The following SLC35A3 variants were observed in gnomAD, a reference collection of about 807,000 sequenced individuals.
The protein encoded by SLC35A3 is solute carrier family 35 member A3, also known as UDP-N-acetylglucosamine transporter.
In SLC35A3, 26 loss-of-function variants were observed where a neutral mutation model predicts 39.0. That is an observed-to-expected ratio of 0.67 (90% confidence interval 0.49 to 0.92). SLC35A3 has a LOEUF of 0.92. Ranked by LOEUF, SLC35A3 falls within the 40% of genes least tolerant of loss-of-function variation. The pLI is 0.00. For missense variants in SLC35A3, 299 were observed against 371.6 expected (o/e 0.80, Z 1.61); for synonymous variants, 135 against 133.1 (o/e 1.01, Z -0.10).
At chr1:100,022,021 C>T (rs1660581534) in intron 7 of SLC35A3, among the ~76,000 whole-genome samples, 1 of 152,042 alleles carries the variant, frequency 6.6e-6, no homozygotes, top group Non-Finnish European at 1.5e-5. Flanking sequence ...AATAGCTTTG[C>T]TTTGGAAGAC....
At chr1:100,010,096 A>T (rs1177062426) in intron 4 of SLC35A3, among the ~76,000 whole-genome samples, 1 of 152,166 alleles carries the variant, frequency 6.6e-6, no homozygotes, top group Non-Finnish European at 1.5e-5. Flanking sequence ...CACTACCCAC[A>T]TTTCACGTGC....
At chr1:100,010,109 A>G (rs1332221933) in intron 4 of SLC35A3, among the ~76,000 whole-genome samples, 1 of 152,114 alleles carries the variant, frequency 6.6e-6, no homozygotes, top group Non-Finnish European at 1.5e-5. Context: ...TCACGTGCTC[A>G]ATAGCCACTT....
chr1:99,998,894 A>G lies in SLC35A3; in HGVS notation c.188-367A>G, dbSNP rs141882355. On this transcript the variant is annotated intron_variant, in intron 2 of 7. Coordinates refer to ENST00000533028, the MANE Select transcript of SLC35A3 (RefSeq NM_012243.3). ...GCATGAATGGCTGATGATAAACAAA[A>G]TGCACAAAATACAAGTTTTTATAAC... Among the ~76,000 whole-genome samples, 32 of 152,320 alleles carry G rather than the reference A, an allele frequency of 2.1e-4. No individual in the cohort carries two copies. The East Asian group carries it at 5.4e-3, about 26-fold the overall frequency.
intron 1 of SLC35A3, chr1:99,970,375 G>T: frequency 1.7e-6 from 1 of 596,818 alleles, no homozygotes; most frequent in Non-Finnish European, 3.0e-6. Context: ...TAACTCCGAC[G>T]GACGACGTGC....
In SLC35A3 at chr1:99,997,430, A is replaced by AG. The variant is rs1191032933; in HGVS notation, c.188-1831_188-1830insG. ...TAGTTTTATATATATATATATATAT[A>AG]TATATATATATATATATATATATAT... On this transcript the variant is annotated intron_variant, in intron 2 of 7. Transcript: ENST00000533028. Among the ~76,000 whole-genome samples, 3 of 41,386 alleles carry AG rather than the reference A, an allele frequency of 7.2e-5. No individual in the cohort carries two copies. The East Asian group carries it at 2.5e-3, about 34-fold the overall frequency. 27.2% of individuals were successfully genotyped at this position (41,386 alleles called of 152,430 possible). A position where few individuals can be genotyped will look rare whatever the true frequency, so the allele number is the denominator to read the frequency against.
At chr1:99,998,782 G>A (rs993305965) in intron 2 of SLC35A3, among the ~76,000 whole-genome samples, 3 of 152,190 alleles carry the variant, frequency 2.0e-5, no homozygotes, top group Admixed American at 6.5e-5. Flanking sequence ...ACTAGTGTTA[G>A]TTGGGTTTTC....
At chr1:100,008,998 T>A (rs926036977) in intron 4 of SLC35A3, 1 of 152,224 alleles carries the variant, frequency 6.6e-6, no homozygotes, top group African/African-American at 2.4e-5. Context: ...TAAGTACAGA[T>A]GACTCCTGGG....
intron 2 of SLC35A3, among the ~76,000 whole-genome samples, chr1:99,995,240 C>A (rs1658335267): frequency 6.6e-6 from 1 of 151,424 alleles, no homozygotes; most frequent in Admixed American, 6.6e-5. Flanking sequence ...GTAACCTCCA[C>A]CTCCCTGGTT....
rs999819912 is a variant in SLC35A3, at chr1:100,024,718, A to G, written c.*2242A>G. 7 of 392,936 alleles carry G rather than the reference A, an allele frequency of 1.8e-5. No individual in the cohort carries two copies. Among genetic ancestry groups the G allele is most frequent in the Non-Finnish European group, 2.7e-5 (6 of 223,888 alleles). The allele number at this position is 392,936 out of a possible 1,614,324, so 24.3% of individuals were successfully genotyped here. A position where few individuals can be genotyped will look rare whatever the true frequency, so the allele number is the denominator to read the frequency against. ...ACTGCAACCTCCCACTCCCTGGTTC[A>G]AGGGATTCTCCTGCCTCAGCCTCTG... On this transcript the variant is annotated 3_prime_UTR_variant, in exon 8 of 8. Coordinates refer to ENST00000533028, the MANE Select transcript of SLC35A3 (RefSeq NM_012243.3).
At chr1:99,992,004 C>A (rs1285592496) in intron 1 of SLC35A3, among the ~76,000 whole-genome samples, 1 of 152,192 alleles carries the variant, frequency 6.6e-6, no homozygotes, top group Non-Finnish European at 1.5e-5. Flanking sequence ...GCCTCAGCCT[C>A]CCAAAGTGCT....
At chr1:100,002,406 C>T (rs941807987) in intron 3 of SLC35A3, among the ~76,000 whole-genome samples, 7 of 152,212 alleles carry the variant, frequency 4.6e-5, no homozygotes, top group Middle Eastern at 3.4e-3. Flanking sequence ...TCATAATAGT[C>T]TCTAATGATC....
intron 1 of SLC35A3, among the ~76,000 whole-genome samples, chr1:99,991,397 G>A (rs1361567512): frequency 2.0e-5 from 3 of 152,174 alleles, no homozygotes; most frequent in Non-Finnish European, 4.4e-5. Flanking sequence ...GCCTGCCTTG[G>A]CCTCCCAAAG....
intron 7 of SLC35A3, among the ~76,000 whole-genome samples, chr1:100,020,716 G>C (rs1197234704): frequency 1.3e-5 from 2 of 152,210 alleles, no homozygotes; most frequent in Non-Finnish European, 2.9e-5. Flanking sequence ...TAATGACAGT[G>C]TGGTAAGTGT....
Position 100,024,648 on chromosome 1 carries a change from C to A in SLC35A3, c.*2172C>A. 2 of 314,742 alleles carry A rather than the reference C, an allele frequency of 6.4e-6. No homozygotes were observed. The highest frequency in any genetic ancestry group is 1.1e-5 in the Non-Finnish European group (2 of 176,400). The allele number at this position is 314,742 out of a possible 1,614,324, so 19.5% of individuals were successfully genotyped here. The stretch of plus-strand genomic sequence containing the variant: ...TTTTTTTTTTTTTTTGAGACAGAGT[C>A]TCACTTTGTCGCCAGGCTGGAGTGC... On this transcript the variant is annotated 3_prime_UTR_variant, in exon 8 of 8. Coordinates refer to ENST00000533028, the MANE Select transcript of SLC35A3 (RefSeq NM_012243.3).
At chr1:99,974,272 A>G (rs1656981319) in intron 1 of SLC35A3, among the ~76,000 whole-genome samples, 3 of 152,208 alleles carry the variant, frequency 2.0e-5, no homozygotes, top group Admixed American at 2.0e-4. Context: ...TTGTAGTATA[A>G]TAATCACTTT....
intron 1 of SLC35A3, among the ~76,000 whole-genome samples, chr1:99,991,327 G>C (rs2101117592): frequency 6.6e-6 from 1 of 152,202 alleles, no homozygotes; most frequent in South Asian, 2.1e-4. Context: ...TGTATTTTTA[G>C]TAGAGACGGG....
chr1:99,977,219 C>A (rs1305797054), intron 1 of SLC35A3, among the ~76,000 whole-genome samples: 2 of 151,860 alleles, frequency 1.3e-5, no homozygotes, highest in Non-Finnish European at 2.9e-5. Flanking sequence ...CTCTGTCACA[C>A]AAGAAGGAGT....
In SLC35A3 at chr1:100,024,568, A is replaced by AAC. The variant is rs770036841; in HGVS notation, c.*2113_*2114dup. 6,340 of 203,036 alleles carry AAC rather than the reference A, an allele frequency of 0.031. 126 individuals carry two copies. Among genetic ancestry groups the AAC allele is most frequent in the Non-Finnish European group, 0.035 (3,628 of 102,288 alleles). 12.6% of individuals were successfully genotyped at this position (203,036 alleles called of 1,614,324 possible). A position where few individuals can be genotyped will look rare whatever the true frequency, so the allele number is the denominator to read the frequency against. On this transcript the variant is annotated 3_prime_UTR_variant, in exon 8 of 8. Transcript: ENST00000533028. ...TCCGTCTCAAAAAAAAAAAAAAGAA[A>AAC]ACACACACACACACACACACACCCA...
At chr1:99,970,771 A>G (rs1656759720) in intron 1 of SLC35A3, 1 of 638,040 alleles carries the variant, frequency 1.6e-6, no homozygotes, top group African/African-American at 1.9e-5. Flanking sequence ...GCAGTATTTG[A>G]AAATTAAGTC....
Sources: gnomAD v4.1 joint callset for allele counts (sites outside exome capture counted in the v4.1 genomes callset) on GRCh38, gnomAD v4.1.1 for gene constraint, MANE v1.5 for transcripts, NCBI Gene and HGNC (gene_info 2026-07-23, HGNC 2026-07-21) for gene names.